WDFY4: variants seen among roughly 807,000 people sequenced by gnomAD.
The protein encoded by WDFY4 is WDFY family member 4, also known as WD repeat- and FYVE domain-containing protein 4.
In WDFY4, 169 loss-of-function variants were observed where a neutral mutation model predicts 351.9. That is an observed-to-expected ratio of 0.48 (90% CI 0.42 to 0.55). The LOEUF (loss-of-function observed/expected upper bound fraction) is 0.55. Among genes scored for constraint, WDFY4 ranks in the 20% least tolerant of loss-of-function variants. The pLI, the probability that WDFY4 is intolerant of heterozygous loss-of-function variation, is 0.00. For missense variants in WDFY4, 3,803 were observed against 3,935.6 expected (o/e 0.97, Z 0.90); for synonymous variants, 1,622 against 1,574.6 (o/e 1.03, Z -0.71).
intron 47 of WDFY4, among the ~76,000 whole-genome samples, chr10:48,926,385 G>A (rs191297021): frequency 1.2e-3 from 178 of 152,302 alleles, no homozygotes; most frequent in African/African-American, 4.0e-3. Context: ...GCATGGATTG[G>A]CCTGGGAACT....
At chr10:48,766,057 G>A (rs2065659339) in intron 13 of WDFY4, among the ~76,000 whole-genome samples, 1 of 152,112 alleles carries the variant, frequency 6.6e-6, no homozygotes, top group Non-Finnish European at 1.5e-5. Flanking sequence ...AATAGCCCTG[G>A]ATAGCATTGC....
intron 35 of WDFY4, among the ~76,000 whole-genome samples, chr10:48,825,958 T>C (rs879078746): frequency 6.6e-6 from 1 of 152,238 alleles, no homozygotes; most frequent in Non-Finnish European, 1.5e-5. Context: ...CTCTTTAGTT[T>C]AACTAGATCC....
chr10:48,945,234 GGCATGGTGGCAC>G (rs1398934479), intron 49 of WDFY4, among the ~76,000 whole-genome samples: 1 of 152,098 alleles, frequency 6.6e-6, no homozygotes, highest in Admixed American at 6.5e-5. Flanking sequence ...AAATTAGCGA[GGCATGGTGGCAC>G]GCACCTGTAG....
intron 5 of WDFY4, among the ~76,000 whole-genome samples, chr10:48,724,981 GC>G (rs1460705248): frequency 5.9e-5 from 9 of 152,190 alleles, no homozygotes; most frequent in Non-Finnish European, 2.9e-5. Context: ...TATTCTGAGG[GC>G]ATGGCATTTA....
At chr10:48,859,999 T>C (rs757048854) in intron 39 of WDFY4, among the ~76,000 whole-genome samples, 1 of 152,236 alleles carries the variant, frequency 6.6e-6, no homozygotes, top group Non-Finnish European at 1.5e-5. Flanking sequence ...GTTCCTGGTA[T>C]TACCTTACTT....
chr10:48,852,948 C>T (rs2069007790), intron 39 of WDFY4, among the ~76,000 whole-genome samples: 1 of 152,144 alleles, frequency 6.6e-6, no homozygotes, highest in Non-Finnish European at 1.5e-5. Context: ...CTAATTGACC[C>T]ATTGTTGTTT....
rs1395151824 is a variant in WDFY4 at position 48,743,275 on chromosome 10, A to G, written c.2186A>G (p.Asn729Ser). 3 of 1,551,688 alleles carry G rather than the reference A, an allele frequency of 1.9e-6. No individual in the cohort carries two copies. Among genetic ancestry groups the G allele is most frequent in the Non-Finnish European group, 1.7e-6 (2 of 1,146,970 alleles). ...TTTGGAGCCCTGGAGGAAGAGGGCA[A>G]CCTGCTGCGCTCTTGGGTGGACACA... ...GCFGALEEEGNLLRSWVDTKA... is the reference protein window; with the variant it reads ...GCFGALEEEGSLLRSWVDTKA... Residue 729 changes from asparagine to serine, a missense_variant, in exon 12 of 62, where the codon AAC becomes AGC. Asn to Ser is a conservative substitution (Grantham distance 46). Around this residue, in one of 3 missense-constraint regions of WDFY4, gnomAD observed 3,054 missense variants for 3,148.6 expected, o/e 0.97. Transcript: ENST00000325239.
intron 48 of WDFY4, among the ~76,000 whole-genome samples, chr10:48,942,801 T>C (rs1263612628): frequency 6.6e-6 from 1 of 152,182 alleles, no homozygotes; most frequent in African/African-American, 2.4e-5. Flanking sequence ...CCTGTCTCCA[T>C]TTGTGACTGT....
At chr10:48,758,723 AGTT>A (rs767239533) in intron 12 of WDFY4, among the ~76,000 whole-genome samples, 3 of 152,070 alleles carry the variant, frequency 2.0e-5, no homozygotes, top group East Asian at 1.9e-4. Context: ...AACAAATTTC[AGTT>A]GTTGTGTTTA....
intron 19 of WDFY4, among the ~76,000 whole-genome samples, chr10:48,780,719 CATT>C (rs2132658210): frequency 6.6e-6 from 1 of 152,294 alleles, no homozygotes. Flanking sequence ...CGCCAGCAGC[CATT>C]GTCAGAGAAG....
intron 39 of WDFY4, among the ~76,000 whole-genome samples, chr10:48,864,211 T>C (rs1455421001): frequency 6.6e-6 from 1 of 152,208 alleles, no homozygotes; most frequent in Non-Finnish European, 1.5e-5. Flanking sequence ...AGTTTTATAG[T>C]TTTAGCTCTT....
intron 44 of WDFY4, 80 bp downstream of exon 44, chr10:48,890,807 C>T (rs1295136980): frequency 6.6e-7 from 1 of 1,524,088 alleles, no homozygotes; most frequent in Non-Finnish European, 8.9e-7. Flanking sequence ...TTCCCCTTCT[C>T]ACCTTGTTCT....
chr10:48,837,153 G>A lies in WDFY4; in HGVS notation c.6663+4444G>A, dbSNP rs554623858. ...ATCATCTGTTTATATAAAAGCATTAGCAATCAGAAAATGTGCATAGGAGTC... is the reference window on the plus strand; with the variant it reads ...ATCATCTGTTTATATAAAAGCATTAACAATCAGAAAATGTGCATAGGAGTC... On this transcript the variant is annotated intron_variant, in intron 39 of 61. Transcript: ENST00000325239. 3.3e-5 allele frequency among the ~76,000 whole-genome samples: 5 copies of A among 152,050 alleles called. No homozygotes were observed. The South Asian group carries it at 8.3e-4, about 25-fold the overall frequency.
chr10:48,765,695 G>A (rs761197228), intron 13 of WDFY4, among the ~76,000 whole-genome samples: 3 of 152,162 alleles, frequency 2.0e-5, no homozygotes, highest in Non-Finnish European at 4.4e-5. Context: ...CTGAGGACTG[G>A]ACCTCCTGCC....
intron 1 of WDFY4, among the ~76,000 whole-genome samples, chr10:48,706,264 T>C (rs2063624881): frequency 1.3e-5 from 2 of 152,234 alleles, no homozygotes; most frequent in South Asian, 4.1e-4. Flanking sequence ...GCCCCTGCTA[T>C]GGACATAACA....
chr10:48,939,782 T>A (rs1840657104), intron 47 of WDFY4, among the ~76,000 whole-genome samples: 1 of 152,236 alleles, frequency 6.6e-6, no homozygotes, highest in Admixed American at 6.5e-5. Flanking sequence ...GGTAATGGCG[T>A]CTTTCTCTGA....
In WDFY4 at chr10:48,710,033, T is replaced by C. The variant is rs531461977; in HGVS notation, c.234+67T>C. On this transcript the variant is annotated intron_variant, in intron 2 of 61. Transcript: ENST00000325239. Reference sequence around the variant, plus strand: ...CTGGGACACTTCTGGGATGATTGCATAGTGAAGTTGATGGTTTTAATGTCA... The same window carrying C: ...CTGGGACACTTCTGGGATGATTGCACAGTGAAGTTGATGGTTTTAATGTCA... The C allele has an allele frequency of 8.6e-6, 12 of 1,388,452 alleles. No homozygotes were observed. In the African/African-American group the frequency reaches 8.7e-5, roughly 10 times the overall value. 86.0% of individuals were successfully genotyped at this position (1,388,452 alleles called of 1,614,324 possible). A position where few individuals can be genotyped will look rare whatever the true frequency, so the allele number is the denominator to read the frequency against.
chr10:48,937,018 C>T (rs1010094592), intron 47 of WDFY4, among the ~76,000 whole-genome samples: 2 of 151,508 alleles, frequency 1.3e-5, no homozygotes, highest in African/African-American at 4.8e-5. Context: ...CTCCCGGGTT[C>T]GAGTAGCTGG....
chr10:48,731,648 G>T, intron 9 of WDFY4, 86 bp downstream of exon 9: 1 of 1,410,370 alleles, frequency 7.1e-7, no homozygotes. Flanking sequence ...CCCATCAAAT[G>T]CAACAGAAAG....
Sources: allele counts gnomAD v4.1 joint callset (sites outside exome capture counted in the v4.1 genomes callset), GRCh38; gene constraint gnomAD v4.1.1; regional missense constraint gnomAD v4.1.1; transcripts MANE v1.5; gene names NCBI Gene and HGNC (gene_info 2026-07-23, HGNC 2026-07-21).